ADAMTS12: variants seen among roughly 807,000 people sequenced by gnomAD.
The protein encoded by ADAMTS12 is ADAM metallopeptidase with thrombospondin type 1 motif 12, also known as A disintegrin and metalloproteinase with thrombospondin motifs 12.
ADAMTS12 carries 118 observed loss-of-function variants against 167.8 expected under a neutral mutation model. The ratio of observed to expected loss-of-function variants is 0.70; its 90% CI spans 0.61 to 0.82. The LOEUF is 0.82. ADAMTS12 is among the 40% of genes least tolerant of loss of function. ADAMTS12 has a pLI of 0.00. For synonymous variants in ADAMTS12, 704 were observed against 716.9 expected, an observed-to-expected ratio of 0.98 and a Z score of 0.29; for missense variants, 1,916 against 1,998.8, an observed-to-expected ratio of 0.96 and a Z score of 0.79.
chr5:33,580,350 T>C (rs970173128), intron 18 of ADAMTS12, among the ~76,000 whole-genome samples: 4 of 152,100 alleles, frequency 2.6e-5, no homozygotes, highest in Middle Eastern at 3.2e-3. Flanking sequence ...GAGAGACAAG[T>C]GCAGACTGAA....
At chr5:33,828,633 C>T (rs1428920763) in intron 2 of ADAMTS12, among the ~76,000 whole-genome samples, 1 of 152,144 alleles carries the variant, frequency 6.6e-6, no homozygotes, top group African/African-American at 2.4e-5. Context: ...AGTCCTTAAT[C>T]CACCTAGGGT....
At chr5:33,622,404 C>T (rs1332492759) in intron 14 of ADAMTS12, among the ~76,000 whole-genome samples, 1 of 152,060 alleles carries the variant, frequency 6.6e-6, no homozygotes, top group African/African-American at 2.4e-5. Flanking sequence ...GCCTGTAATC[C>T]CAGCACTTTG....
At chr5:33,676,683 T>TACACACACACACAC (rs141431526) in intron 5 of ADAMTS12, among the ~76,000 whole-genome samples, 1,955 of 136,306 alleles carry the variant, frequency 0.014, 14 homozygotes, top group Non-Finnish European at 0.018. Context: ...CTGTCTATCT[T>TACACACACACACAC]ACACACACAC....
intron 3 of ADAMTS12, among the ~76,000 whole-genome samples, chr5:33,691,989 T>C (rs1274577945): frequency 6.6e-6 from 1 of 152,240 alleles, no homozygotes; most frequent in Admixed American, 6.5e-5. Flanking sequence ...CCCTTCTCTG[T>C]TGTTTGCATC....
chr5:33,828,486 C>A (rs575300317), intron 2 of ADAMTS12, among the ~76,000 whole-genome samples: 1 of 152,224 alleles, frequency 6.6e-6, no homozygotes, highest in African/African-American at 2.4e-5. Context: ...TTTATATAAT[C>A]ATATTTCTCA....
rs140497475 is a variant in ADAMTS12, at chr5:33,668,223, C to A, written c.916-6183G>T. ...CATGAGCCTACAATTGGAAAAAAATCATCTCATACAAAGCCTATTTTATAA... is the reference window on the plus strand; with the variant it reads ...CATGAGCCTACAATTGGAAAAAAATAATCTCATACAAAGCCTATTTTATAA... On this transcript the variant is annotated intron_variant, in intron 5 of 23. Transcript: ENST00000504830. 2.9e-4 allele frequency among the ~76,000 whole-genome samples: 44 copies of A among 152,290 alleles called. 1 individual carries two copies. The East Asian group carries it at 7.5e-3, about 26-fold the overall frequency.
intron 5 of ADAMTS12, among the ~76,000 whole-genome samples, chr5:33,668,643 C>T (rs1050472545): frequency 3.9e-5 from 6 of 152,152 alleles, no homozygotes; most frequent in Admixed American, 1.3e-4. Flanking sequence ...CCACCACATC[C>T]GGCTACTTTT....
chr5:33,622,635 G>A (rs1010759591), intron 14 of ADAMTS12, among the ~76,000 whole-genome samples: 37 of 152,338 alleles, frequency 2.4e-4, no homozygotes, highest in African/African-American at 7.2e-4. Context: ...CCTGGCGACA[G>A]GGCGAGACTC....
intron 18 of ADAMTS12, among the ~76,000 whole-genome samples, chr5:33,577,650 C>A (rs1746827964): frequency 1.3e-5 from 2 of 152,132 alleles, no homozygotes; most frequent in South Asian, 2.1e-4. Flanking sequence ...TCCCCAGGTA[C>A]CTTAAGCTCC....
At chr5:33,663,604 C>T (rs1741349314) in intron 5 of ADAMTS12, among the ~76,000 whole-genome samples, 1 of 152,004 alleles carries the variant, frequency 6.6e-6, no homozygotes, top group African/African-American at 2.4e-5. Context: ...GAAATTAAAC[C>T]TCAGGGAAGT....
At chr5:33,551,018 T>C (rs1745234799) in intron 20 of ADAMTS12, among the ~76,000 whole-genome samples, 1 of 152,186 alleles carries the variant, frequency 6.6e-6, no homozygotes, top group Non-Finnish European at 1.5e-5. Context: ...CAGTCTTGGC[T>C]GAGGAAACAA....
chr5:33,591,946 C>A (rs1004626185), intron 17 of ADAMTS12, among the ~76,000 whole-genome samples: 1 of 151,848 alleles, frequency 6.6e-6, no homozygotes, highest in African/African-American at 2.4e-5. Context: ...GTAAGCCAGG[C>A]GCGGTAGCTC....
chr5:33,848,080 T>G (rs968820540), intron 2 of ADAMTS12, among the ~76,000 whole-genome samples: 2 of 151,778 alleles, frequency 1.3e-5, no homozygotes, highest in Non-Finnish European at 2.9e-5. Flanking sequence ...AGCAGGGCAT[T>G]GTGGCAGGTG....
chr5:33,657,014 T>C (rs1741085022), intron 7 of ADAMTS12, among the ~76,000 whole-genome samples: 1 of 152,184 alleles, frequency 6.6e-6, no homozygotes, highest in Admixed American at 6.5e-5. Flanking sequence ...ACCTTAGATA[T>C]TGCCTAGTTC....
intron 5 of ADAMTS12, among the ~76,000 whole-genome samples, chr5:33,665,513 T>A (rs529019742): frequency 6.6e-6 from 1 of 152,270 alleles, no homozygotes; most frequent in East Asian, 1.9e-4. Flanking sequence ...ACAATTTTTA[T>A]CAATTAAAAA....
At chr5:33,805,196 A>AG (rs1250668860) in intron 2 of ADAMTS12, among the ~76,000 whole-genome samples, 2 of 152,158 alleles carry the variant, frequency 1.3e-5, no homozygotes, top group African/African-American at 4.8e-5. Flanking sequence ...AAAAGGAGCC[A>AG]CCCTCCAGGA....
At chr5:33,641,666 T>G in intron 11 of ADAMTS12, 144 bp downstream of exon 11, 1 of 810,986 alleles carries the variant, frequency 1.2e-6, no homozygotes, top group Non-Finnish European at 1.7e-6. Context: ...TCTCTGTGAA[T>G]CTTCTTGTTC....
At chr5:33,731,195 T>C (rs906181970) in intron 3 of ADAMTS12, among the ~76,000 whole-genome samples, 1 of 151,960 alleles carries the variant, frequency 6.6e-6, no homozygotes, top group African/African-American at 2.4e-5. Flanking sequence ...CTTTTCTTTT[T>C]TTTTTTTTGA....
chr5:33,874,060 G>T (rs1024813765), intron 2 of ADAMTS12, among the ~76,000 whole-genome samples: 6 of 152,044 alleles, frequency 3.9e-5, no homozygotes, highest in Non-Finnish European at 7.4e-5. Flanking sequence ...ACCCATGAAA[G>T]AAATAATTGA....
Sources: allele counts gnomAD v4.1 joint callset (sites outside exome capture counted in the v4.1 genomes callset), GRCh38; gene constraint gnomAD v4.1.1; transcripts MANE v1.5; gene names NCBI Gene and HGNC (gene_info 2026-07-23, HGNC 2026-07-21).